Variants in FRMD3 observed in about 807,000 individuals in gnomAD.
FRMD3 encodes FERM domain-containing protein 3.
A neutral mutation model predicts 70.2 loss-of-function variants in FRMD3; 33 were observed. That is an observed-to-expected ratio of 0.47 (90% confidence interval 0.36 to 0.63). FRMD3 has a LOEUF of 0.63. Ranked by LOEUF, FRMD3 falls within the 20% of genes least tolerant of loss-of-function variation. The pLI is 0.00. For missense variants in FRMD3, 632 were observed against 711.4 expected, an observed-to-expected ratio of 0.89 and a Z score of 1.27; for synonymous variants, 279 against 255.9, an observed-to-expected ratio of 1.09 and a Z score of -0.86.
intron 1 of FRMD3, 41 bp from the exon 2 acceptor site, chr9:83,389,749 T>C: frequency 2.8e-6 from 4 of 1,426,718 alleles, no homozygotes; most frequent in Non-Finnish European, 4.0e-6. Flanking sequence ...AGAGCTCACC[T>C]TGTGCATTCA....
the FRMD3 span, among the ~76,000 whole-genome samples, chr9:83,566,401 C>T: frequency 6.6e-6 from 1 of 152,132 alleles, no homozygotes; most frequent in South Asian, 2.1e-4. Flanking sequence ...CACAGCCACA[C>T]CATATCATTC....
chr9:83,399,873 A>T (rs1443034091), intron 1 of FRMD3, among the ~76,000 whole-genome samples: 1 of 152,234 alleles, frequency 6.6e-6, no homozygotes, highest in Non-Finnish European at 1.5e-5. Flanking sequence ...AGCTAACATC[A>T]TACTTAATAG....
intron 6 of FRMD3, among the ~76,000 whole-genome samples, chr9:83,318,847 G>A (rs1284954590): frequency 6.6e-6 from 1 of 152,098 alleles, no homozygotes; most frequent in Non-Finnish European, 1.5e-5. Context: ...CTTTCTGACT[G>A]GTGTAAGATG....
At chr9:83,324,302 G>C (rs942567884) in intron 6 of FRMD3, among the ~76,000 whole-genome samples, 5 of 152,110 alleles carry the variant, frequency 3.3e-5, no homozygotes, top group Non-Finnish European at 5.9e-5. Flanking sequence ...AGCAAAACAA[G>C]AGAATAAGCA....
the FRMD3 span, among the ~76,000 whole-genome samples, chr9:83,554,203 T>C: frequency 6.6e-6 from 1 of 152,182 alleles, no homozygotes; most frequent in African/African-American, 2.4e-5. Context: ...TTGTAGACTC[T>C]TGCTTAATTG....
intron 1 of FRMD3, among the ~76,000 whole-genome samples, chr9:83,403,304 T>G (rs1826006378): frequency 6.6e-6 from 1 of 152,092 alleles, no homozygotes; most frequent in Non-Finnish European, 1.5e-5. Flanking sequence ...ATGGTAGCAT[T>G]TTTTGCAATA....
Position 83,310,337 on chromosome 9 carries a change from T to C in FRMD3, c.837+148A>G, listed in dbSNP as rs144099373. The C allele has an allele frequency of 1.8e-4, 127 of 725,270 alleles. No individual in the cohort carries two copies. The East Asian group carries it at 3.2e-3, about 18-fold the overall frequency. The allele number at this position is 725,270 out of a possible 1,614,324, so 44.9% of individuals were successfully genotyped here. On this transcript the variant is annotated intron_variant, in intron 9 of 13. Transcript: ENST00000304195. Reference sequence around the variant, plus strand: ...AACCCAGTACTCATTTGTTTGCCTCTAAAATATTTTTAGCATATAGCTTTC... The same window carrying C: ...AACCCAGTACTCATTTGTTTGCCTCCAAAATATTTTTAGCATATAGCTTTC...
chr9:83,488,876 A>T (rs73468237), intron 1 of FRMD3, among the ~76,000 whole-genome samples: 14,094 of 152,096 alleles, frequency 0.093, 771 homozygotes, highest in African/African-American at 0.14. Flanking sequence ...AAAATGGGGG[A>T]AATAAATTAA....
At position 83,319,040 on chromosome 9, in the gene FRMD3, A is replaced by G. The variant is rs929268476; in HGVS notation, c.597-5293T>C. Among the ~76,000 whole-genome samples, 119 of 152,030 alleles carry G rather than the reference A, an allele frequency of 7.8e-4. 1 individual carries two copies. Among genetic ancestry groups the G allele is most frequent in the African/African-American group, 2.8e-3 (115 of 41,454 alleles). On this transcript the variant is annotated intron_variant, in intron 6 of 13. Coordinates refer to ENST00000304195, the MANE Select transcript of FRMD3 (RefSeq NM_174938.6). ...TGTTTGAGTTCCATGTAAATTCCAG[A>G]TATTAGCCCTTTGTCAGACCCATAG...
At chr9:83,458,561 G>T (rs1587873261) in intron 1 of FRMD3, among the ~76,000 whole-genome samples, 1 of 152,314 alleles carries the variant, frequency 6.6e-6, no homozygotes, top group East Asian at 1.9e-4. Flanking sequence ...TAAAGCCGAA[G>T]AGAAAACCTC....
intron 1 of FRMD3, among the ~76,000 whole-genome samples, chr9:83,427,031 A>G (rs966656829): frequency 1.7e-4 from 26 of 152,220 alleles, no homozygotes; most frequent in Non-Finnish European, 3.5e-4. Flanking sequence ...AAAAGCACTC[A>G]AAGAACCTTC....
At chr9:83,387,783 T>C (rs1416360997) in intron 2 of FRMD3, among the ~76,000 whole-genome samples, 3 of 152,186 alleles carry the variant, frequency 2.0e-5, no homozygotes, top group Non-Finnish European at 4.4e-5. Context: ...TGAATGTCTT[T>C]ATATCATGGT....
chr9:83,546,722 G>A, the FRMD3 span, among the ~76,000 whole-genome samples: 5 of 151,624 alleles, frequency 3.3e-5, no homozygotes, highest in African/African-American at 9.7e-5. Context: ...GTGGAACCCC[G>A]TCTCTACTAA....
intron 1 of FRMD3, among the ~76,000 whole-genome samples, chr9:83,476,865 T>C (rs1828411198): frequency 6.6e-6 from 1 of 152,166 alleles, no homozygotes. Flanking sequence ...TGGCCCTTAC[T>C]CTAATTGTAT....
chr9:83,424,316 TC>T (rs2131364931), intron 1 of FRMD3, among the ~76,000 whole-genome samples: 1 of 152,354 alleles, frequency 6.6e-6, no homozygotes. Context: ...AGAATCACTT[TC>T]CCTTGTCTAC....
At chr9:83,373,242 C>A (rs1280518414) in intron 2 of FRMD3, among the ~76,000 whole-genome samples, 1 of 152,162 alleles carries the variant, frequency 6.6e-6, no homozygotes, top group East Asian at 1.9e-4. Context: ...TCTAGTACCC[C>A]TAATTGACTC....
intron 13 of FRMD3, among the ~76,000 whole-genome samples, chr9:83,259,735 C>T (rs1924241): frequency 0.67 from 101,162 of 151,898 alleles, 36,579 homozygotes; most frequent in South Asian, 0.89. Flanking sequence ...ACATGTGAAA[C>T]TGTCAGGTCT....
At chr9:83,527,019 G>C (rs953209839) in intron 1 of FRMD3, among the ~76,000 whole-genome samples, 1 of 151,972 alleles carries the variant, frequency 6.6e-6, no homozygotes, top group Non-Finnish European at 1.5e-5. Flanking sequence ...CAGGGTCATT[G>C]TCCCTCAGAG....
At chr9:83,474,367 C>A (rs952555971) in intron 1 of FRMD3, among the ~76,000 whole-genome samples, 1 of 152,194 alleles carries the variant, frequency 6.6e-6, no homozygotes, top group Non-Finnish European at 1.5e-5. Context: ...AACCATTCTA[C>A]ATCTGATAAC....
Sources: gnomAD v4.1 joint callset for allele counts (sites outside exome capture counted in the v4.1 genomes callset) on GRCh38, gnomAD v4.1.1 for gene constraint, MANE v1.5 for transcripts, NCBI Gene and HGNC (gene_info 2026-07-23, HGNC 2026-07-21) for gene names.